Variants in RAB2A observed in about 807,000 individuals in gnomAD.
RAB2A encodes RAB2A, member RAS oncogene family, also known as ras-related protein Rab-2A.
In RAB2A, 7 loss-of-function variants were observed where a neutral mutation model predicts 32.5. That is an observed-to-expected ratio of 0.22 (90% CI 0.12 to 0.40). RAB2A has a LOEUF of 0.40. Ranked by LOEUF, RAB2A falls within the 10% of genes least tolerant of loss-of-function variation. The pLI, the probability that RAB2A is intolerant of heterozygous loss-of-function variation, is 1.00. For synonymous variants in RAB2A, 79 were observed against 85.2 expected (o/e 0.93, Z 0.40); for missense variants, 108 against 260.7 (o/e 0.41, Z 4.03).
chr8:60,621,894 C>A lies in RAB2A; in HGVS notation c.*1125C>A, dbSNP rs1026026847. The A allele has an allele frequency of 6.6e-6, 1 of 152,094 alleles. No individual in the cohort carries two copies. The highest frequency in any genetic ancestry group is 1.5e-5 in the Non-Finnish European group (1 of 68,000). The allele number at this position is 152,094 out of a possible 1,614,324, so 9.4% of individuals were successfully genotyped here. A position where few individuals can be genotyped will look rare whatever the true frequency, so the allele number is the denominator to read the frequency against. ...AAAATCCTGTTACAAAGTAGAAAAG[C>A]TTTAGTAATTTACTCAGTGTGGTGG... On this transcript the variant is annotated 3_prime_UTR_variant, in exon 8 of 8. Transcript: ENST00000262646.
At chr8:60,601,527 A>C (rs1166846220) in intron 6 of RAB2A, among the ~76,000 whole-genome samples, 1 of 152,136 alleles carries the variant, frequency 6.6e-6, no homozygotes, top group Admixed American at 6.5e-5. Context: ...TAGTAGAAAC[A>C]AGGTTTCACT....
rs145302554 is a variant in RAB2A, at chr8:60,584,345, T to C, written c.269+55T>C. 4.8e-5 allele frequency: 67 copies of C among 1,398,208 alleles called. No homozygotes were observed. In the East Asian group the frequency reaches 1.4e-3, roughly 30 times the overall value. The allele number at this position is 1,398,208 out of a possible 1,614,324, so 86.6% of individuals were successfully genotyped here. On this transcript the variant is annotated intron_variant, in intron 4 of 7. Coordinates refer to ENST00000262646, the MANE Select transcript of RAB2A (RefSeq NM_002865.3). ...AGTTGATACAGAGAATTTTTCTAAATAGATGTGGTTAACAGTAATGAAAGA... is the reference window on the plus strand; with the variant it reads ...AGTTGATACAGAGAATTTTTCTAAACAGATGTGGTTAACAGTAATGAAAGA...
In RAB2A at chr8:60,605,852, T is replaced by TATATATATATATATATATA. The variant is rs777621349; in HGVS notation, c.475-12727_475-12726insTATATATATATATATATAA. Among the ~76,000 whole-genome samples, 2 of 144,790 alleles carry TATATATATATATATATATA rather than the reference T, an allele frequency of 1.4e-5. 1 individual carries two copies. Among genetic ancestry groups the TATATATATATATATATATA allele is most frequent in the South Asian group, 4.3e-4 (2 of 4,606 alleles). 95.0% of individuals were successfully genotyped at this position (144,790 alleles called of 152,430 possible). Reference sequence around the variant, plus strand: ...TAATACATATATACATATATATATATAATGCTTCATTTCAAGCTGGGGGTG... The same window carrying TATATATATATATATATATA: ...TAATACATATATACATATATATATATATATATATATATATATATAAATGCTTCATTTCAAGCTGGGGGTG... On this transcript the variant is annotated intron_variant, in intron 6 of 7. Transcript: ENST00000262646.
In RAB2A at chr8:60,571,775, G is replaced by A. The variant is rs148078777; in HGVS notation, c.119-271G>A. On this transcript the variant is annotated intron_variant, in intron 2 of 7. Transcript: ENST00000262646. ...CTTTTTTTAATTTTTATGTTACTGA[G>A]CCTGCAAAACATGAAGACCACAGTT... Among the ~76,000 whole-genome samples, 3 of 151,564 alleles carry A rather than the reference G, an allele frequency of 2.0e-5. No individual in the cohort carries two copies. In the East Asian group the frequency reaches 5.8e-4, roughly 29 times the overall value.
intron 3 of RAB2A, among the ~76,000 whole-genome samples, chr8:60,583,225 G>C (rs1736005318): frequency 6.6e-6 from 1 of 152,114 alleles, no homozygotes; most frequent in Non-Finnish European, 1.5e-5. Flanking sequence ...TTTCAAGTTA[G>C]GGGATTTTGA....
intron 3 of RAB2A, chr8:60,576,157 A>G (rs1459009626): frequency 2.2e-6 from 1 of 453,710 alleles, no homozygotes; most frequent in South Asian, 1.6e-5. Flanking sequence ...AAGCACTGAC[A>G]CTTGGCCCTT....
At chr8:60,615,512 G>A (rs1357802031) in intron 6 of RAB2A, among the ~76,000 whole-genome samples, 1 of 152,142 alleles carries the variant, frequency 6.6e-6, no homozygotes, top group African/African-American at 2.4e-5. Context: ...ATATGGGATT[G>A]ATATTTAATG....
At chr8:60,615,596 G>GA in intron 6 of RAB2A, among the ~76,000 whole-genome samples, 3 of 152,074 alleles carry the variant, frequency 2.0e-5, no homozygotes, top group Admixed American at 2.0e-4. Flanking sequence ...CATCTTTTTG[G>GA]AAATGTTTTG....
intron 1 of RAB2A, among the ~76,000 whole-genome samples, chr8:60,555,445 T>G (rs1226829072): frequency 1.3e-5 from 2 of 152,088 alleles, no homozygotes; most frequent in Admixed American, 6.6e-5. Flanking sequence ...AACACAACTT[T>G]TAGAATGGGA....
In RAB2A at chr8:60,592,126, C is replaced by T. The variant is rs558421884; in HGVS notation, c.474+157C>T. 5.5e-4 allele frequency: 251 copies of T among 452,640 alleles called. 1 individual carries two copies. The highest frequency in any genetic ancestry group is 4.5e-3 in the African/African-American group (228 of 50,562). The allele number at this position is 452,640 out of a possible 1,614,324, so 28.0% of individuals were successfully genotyped here. ...CTTTGAAATCCCTTGTAACATTCAC[C>T]TTCTGTCAGACTCTTAAATCATATT... On this transcript the variant is annotated intron_variant, in intron 6 of 7. Coordinates refer to ENST00000262646, the MANE Select transcript of RAB2A (RefSeq NM_002865.3).
intron 6 of RAB2A, among the ~76,000 whole-genome samples, chr8:60,599,142 A>G (rs911026815): frequency 6.6e-6 from 1 of 152,078 alleles, no homozygotes; most frequent in Non-Finnish European, 1.5e-5. Flanking sequence ...AGCCATGAAA[A>G]CATGAACACC....
At chr8:60,555,287 C>A (rs932026693) in intron 1 of RAB2A, among the ~76,000 whole-genome samples, 1 of 152,112 alleles carries the variant, frequency 6.6e-6, no homozygotes, top group Non-Finnish European at 1.5e-5. Context: ...TGGGAAAATG[C>A]TTCAGGACAT....
intron 1 of RAB2A, among the ~76,000 whole-genome samples, chr8:60,520,883 GCTCA>G (rs1807292092): frequency 1.3e-5 from 2 of 152,126 alleles, no homozygotes; most frequent in South Asian, 4.1e-4. Context: ...CACTATCACG[GCTCA>G]CTCACTACAG....
intron 1 of RAB2A, among the ~76,000 whole-genome samples, chr8:60,558,096 A>G (rs1027858468): frequency 6.6e-6 from 1 of 152,152 alleles, no homozygotes; most frequent in Non-Finnish European, 1.5e-5. Context: ...AAGTGAGTGA[A>G]TGAATGAATG....
intron 7 of RAB2A, among the ~76,000 whole-genome samples, chr8:60,620,125 C>T (rs1448799041): frequency 6.6e-5 from 10 of 152,198 alleles, no homozygotes; most frequent in Non-Finnish European, 1.2e-4. Flanking sequence ...GTAAAATCCA[C>T]TTGAGGGAGT....
chr8:60,597,238 T>C (rs971854261), intron 6 of RAB2A, among the ~76,000 whole-genome samples: 2 of 152,158 alleles, frequency 1.3e-5, no homozygotes, highest in African/African-American at 4.8e-5. Context: ...GTGGCACATA[T>C]ACACCATGGA....
chr8:60,525,796 TG>T (rs1391776318), intron 1 of RAB2A, among the ~76,000 whole-genome samples: 1 of 151,898 alleles, frequency 6.6e-6, no homozygotes, highest in Non-Finnish European at 1.5e-5. Context: ...AAATAATGAA[TG>T]TGTGCTAGGT....
chr8:60,587,085 A>G (rs1285286717), intron 5 of RAB2A, among the ~76,000 whole-genome samples: 1 of 152,190 alleles, frequency 6.6e-6, no homozygotes, highest in Non-Finnish European at 1.5e-5. Flanking sequence ...AAAGAGGCAC[A>G]ATATTGGAGA....
At chr8:60,609,412 A>G (rs1165129600) in intron 6 of RAB2A, among the ~76,000 whole-genome samples, 2 of 152,190 alleles carry the variant, frequency 1.3e-5, no homozygotes, top group Non-Finnish European at 2.9e-5. Flanking sequence ...TCACCTTAGT[A>G]TGATATCATT....
Sources: allele counts gnomAD v4.1 joint callset (sites outside exome capture counted in the v4.1 genomes callset), GRCh38; gene constraint gnomAD v4.1.1; transcripts MANE v1.5; gene names NCBI Gene and HGNC (gene_info 2026-07-23, HGNC 2026-07-21).